The following SMYD3 variants were observed in gnomAD, a reference collection of about 807,000 sequenced individuals.
SMYD3 encodes histone-lysine N-methyltransferase SMYD3.
In SMYD3, 36 loss-of-function variants were observed where a neutral mutation model predicts 57.7. That is an observed-to-expected ratio of 0.62 (90% confidence interval 0.48 to 0.82). The LOEUF (loss-of-function observed/expected upper bound fraction) is 0.82. Ranked by LOEUF, SMYD3 falls within the 40% of genes least tolerant of loss-of-function variation. The pLI, the probability that SMYD3 is intolerant of heterozygous loss-of-function variation, is 0.00. For synonymous variants in SMYD3, 211 were observed against 195.0 expected (o/e 1.08, Z -0.68); for missense variants, 515 against 538.8 (o/e 0.96, Z 0.44).
Position 245,749,481 on chromosome 1 carries a change from C to T in SMYD3, c.*82G>A. The T allele has an allele frequency of 1.8e-6, 2 of 1,086,582 alleles. No individual in the cohort carries two copies. The highest frequency in any genetic ancestry group is 2.8e-6 in the Non-Finnish European group (2 of 714,662). 67.3% of individuals were successfully genotyped at this position (1,086,582 alleles called of 1,614,324 possible). A position where few individuals can be genotyped will look rare whatever the true frequency, so the allele number is the denominator to read the frequency against. ...GAATTTCCAATAGGAGAGGTTCACACAGCTAACAAAGCATAGAGTGTGTGA... is the reference window on the plus strand; with the variant it reads ...GAATTTCCAATAGGAGAGGTTCACATAGCTAACAAAGCATAGAGTGTGTGA... On this transcript the variant is annotated 3_prime_UTR_variant, in exon 12 of 12. Transcript: ENST00000490107.
chr1:246,215,727 A>G lies in SMYD3; in HGVS notation c.531+111474T>C, dbSNP rs563942098. Among the ~76,000 whole-genome samples, 50 of 152,198 alleles carry G rather than the reference A, an allele frequency of 3.3e-4. 1 individual carries two copies. Among genetic ancestry groups the G allele is most frequent in the African/African-American group, 1.2e-3 (50 of 41,460 alleles). On this transcript the variant is annotated intron_variant, in intron 5 of 11. Coordinates refer to ENST00000490107, the MANE Select transcript of SMYD3 (RefSeq NM_001167740.2). Reference sequence around the variant, plus strand: ...ACTCAACTGTCCAAAGAAATGTCCAAACTGCTTCTGTTACGTAAAGCCAAT... The same window carrying G: ...ACTCAACTGTCCAAAGAAATGTCCAGACTGCTTCTGTTACGTAAAGCCAAT...
chr1:246,432,595 G>A (rs1243444291), intron 1 of SMYD3, among the ~76,000 whole-genome samples: 2 of 152,192 alleles, frequency 1.3e-5, no homozygotes, highest in South Asian at 2.1e-4. Context: ...CACGATGTGA[G>A]GTTGAGTTTT....
chr1:246,117,330 C>A (rs948723828), intron 5 of SMYD3, among the ~76,000 whole-genome samples: 1 of 152,166 alleles, frequency 6.6e-6, no homozygotes, highest in Non-Finnish European at 1.5e-5. Flanking sequence ...TTAGAAGGAA[C>A]CAACACAGAT....
chr1:246,440,801 T>C (rs2067451279), intron 1 of SMYD3, among the ~76,000 whole-genome samples: 1 of 152,216 alleles, frequency 6.6e-6, no homozygotes, highest in African/African-American at 2.4e-5. Context: ...CCTTTCCTAA[T>C]GACCAAGCTC....
At chr1:246,130,357 T>A (rs2061569749) in intron 5 of SMYD3, among the ~76,000 whole-genome samples, 1 of 152,184 alleles carries the variant, frequency 6.6e-6, no homozygotes. Flanking sequence ...GAATCCATTT[T>A]ATGTCTCCCA....
intron 5 of SMYD3, chr1:246,186,739 T>C: frequency 1.0e-6 from 1 of 985,280 alleles, no homozygotes; most frequent in Non-Finnish European, 1.2e-6. Context: ...CTCTGAATAC[T>C]TACAATAATC....
At chr1:245,839,831 G>GAACACTCAGTTCATTCA (rs1558408126) in intron 10 of SMYD3, among the ~76,000 whole-genome samples, 1 of 142,470 alleles carries the variant, frequency 7.0e-6, no homozygotes, top group Non-Finnish European at 1.5e-5. Flanking sequence ...AGTTCATTCA[G>GAACACTCAGTTCATTCA]AAAAAAAAAA....
At chr1:245,967,597 C>T (rs1464400295) in intron 5 of SMYD3, among the ~76,000 whole-genome samples, 2 of 152,158 alleles carry the variant, frequency 1.3e-5, no homozygotes, top group Admixed American at 1.3e-4. Context: ...CCGGTGTCTA[C>T]CTAGTGTGAA....
intron 1 of SMYD3, among the ~76,000 whole-genome samples, chr1:246,486,997 C>G (rs940399271): frequency 6.6e-6 from 1 of 152,100 alleles, no homozygotes; most frequent in African/African-American, 2.4e-5. Flanking sequence ...AATTACCCAC[C>G]TATACTAATA....
chr1:245,843,393 C>T (rs995439819), intron 10 of SMYD3, among the ~76,000 whole-genome samples: 1 of 152,140 alleles, frequency 6.6e-6, no homozygotes. Context: ...CTGTACCAGT[C>T]TTCTGATTCC....
intron 5 of SMYD3, among the ~76,000 whole-genome samples, chr1:246,232,940 C>A (rs1342663336): frequency 7.4e-6 from 1 of 134,900 alleles, no homozygotes; most frequent in Non-Finnish European, 1.6e-5. Context: ...ATATACCACA[C>A]AGAGGAGAAG....
chr1:246,422,783 G>A (rs2067162017), intron 1 of SMYD3, among the ~76,000 whole-genome samples: 1 of 151,928 alleles, frequency 6.6e-6, no homozygotes, highest in African/African-American at 2.4e-5. Context: ...TTTTTTTTAA[G>A]ATAGCTCTAT....
chr1:246,315,171 A>G (rs1226072048), intron 5 of SMYD3, among the ~76,000 whole-genome samples: 1 of 152,210 alleles, frequency 6.6e-6, no homozygotes, highest in Non-Finnish European at 1.5e-5. Flanking sequence ...CTTCAGCCCT[A>G]AAGTTGTATA....
At chr1:245,794,081 C>T (rs1052715904) in intron 10 of SMYD3, among the ~76,000 whole-genome samples, 2 of 152,196 alleles carry the variant, frequency 1.3e-5, no homozygotes, top group Admixed American at 6.5e-5. Context: ...GATTTATACT[C>T]TCCTTATCAT....
chr1:246,222,135 C>T (rs2063265018), intron 5 of SMYD3, among the ~76,000 whole-genome samples: 1 of 152,048 alleles, frequency 6.6e-6, no homozygotes. Context: ...AGGAGTCTAA[C>T]AGATAAAATA....
At chr1:246,488,233 C>T (rs1302611925) in intron 1 of SMYD3, among the ~76,000 whole-genome samples, 1 of 152,230 alleles carries the variant, frequency 6.6e-6, no homozygotes, top group Non-Finnish European at 1.5e-5. Flanking sequence ...CTAGAATCAT[C>T]TGCCAGCTTG....
rs1398719766 is a variant in SMYD3 at position 245,764,166 on chromosome 1, G to A, written c.1077-17C>T. The stretch of plus-strand genomic sequence containing the variant: ...AAAAAAATCCTGGAAGAAACCAAAC[G>A]GCAAACAGTGTCAGCAGCCCTCACC... On this transcript the variant is annotated splice_polypyrimidine_tract_variant and intron_variant, in intron 10 of 11. Transcript: ENST00000490107. 4 of 1,560,838 alleles carry A rather than the reference G, an allele frequency of 2.6e-6. No homozygotes were observed. Among genetic ancestry groups the A allele is most frequent in the South Asian group, 2.2e-5 (2 of 89,966 alleles).
At chr1:245,808,774 T>A (rs990991428) in intron 10 of SMYD3, among the ~76,000 whole-genome samples, 2 of 152,054 alleles carry the variant, frequency 1.3e-5, no homozygotes, top group Non-Finnish European at 2.9e-5. Context: ...TTTTAGTTTT[T>A]ATTTGTGAGA....
chr1:246,196,595 T>C (rs2062833153), intron 5 of SMYD3, among the ~76,000 whole-genome samples: 1 of 152,236 alleles, frequency 6.6e-6, no homozygotes. Flanking sequence ...ATTGTTCTTT[T>C]TAAATTTTAT....
Sources: gnomAD v4.1 joint callset for allele counts (sites outside exome capture counted in the v4.1 genomes callset) on GRCh38, gnomAD v4.1.1 for gene constraint, MANE v1.5 for transcripts, NCBI Gene and HGNC (gene_info 2026-07-23, HGNC 2026-07-21) for gene names.